Variants in SEC23IP observed in about 807,000 individuals in gnomAD.
SEC23IP encodes the protein SEC23 interacting protein.
Under a neutral mutation model 113.4 loss-of-function variants are expected in SEC23IP, and 70 were observed. That is an observed-to-expected ratio of 0.62 (90% confidence interval 0.51 to 0.75). SEC23IP has a LOEUF of 0.75. SEC23IP is among the 30% of genes least tolerant of loss of function. The pLI, the probability that SEC23IP is intolerant of heterozygous loss-of-function variation, is 0.00. For missense variants in SEC23IP, 1,160 were observed against 1,204.9 expected, an observed-to-expected ratio of 0.96 and a Z score of 0.55; for synonymous variants, 398 against 421.0, an observed-to-expected ratio of 0.95 and a Z score of 0.67.
At chr10:119,897,253 G>C (rs1375572518) in intron 1 of SEC23IP, among the ~76,000 whole-genome samples, 2 of 152,168 alleles carry the variant, frequency 1.3e-5, no homozygotes, top group African/African-American at 4.8e-5. Flanking sequence ...TACAAGCTAG[G>C]GAACATAAAA....
chr10:119,911,876 T>A (rs887905888), intron 5 of SEC23IP, among the ~76,000 whole-genome samples, 168 bp from the exon 6 acceptor site: 1 of 152,196 alleles, frequency 6.6e-6, no homozygotes, highest in African/African-American at 2.4e-5. Flanking sequence ...TTTTGGTGGT[T>A]AATGAACACT....
chr10:119,914,779 A>T lies in SEC23IP; in HGVS notation c.1362A>T (p.Gly454=). The T allele has an allele frequency of 6.2e-7, 1 of 1,614,074 alleles. No homozygotes were observed. Among genetic ancestry groups the T allele is most frequent in the Non-Finnish European group, 8.5e-7 (1 of 1,179,994 alleles). ...DHLVFVVHGI[G]PVCDLRFRSI... is the part of the protein sequence containing the mutation. ...TGGTGTTTGTGGTGCATGGCATTGG[A>T]CCTGTGTGTGACTTACGCTTTAGGA... Residue 454 remains glycine, a synonymous_variant, in exon 7 of 19, where the codon GGA becomes GGT. Transcript: ENST00000369075.
chr10:119,930,800 T>C (rs17099385), intron 15 of SEC23IP, among the ~76,000 whole-genome samples: 9,038 of 152,292 alleles, frequency 0.059, 294 homozygotes, highest in East Asian at 0.12. Flanking sequence ...GAGCTGTTAT[T>C]TTCTTGCTAA....
In SEC23IP at chr10:119,941,749, T is replaced by A. The variant is rs528312095; in HGVS notation, c.*1184T>A. ...TTTAAGCAGCAAACTTATGTATTTC[T>A]CTTGTCTTCCTTAAAAGTGTCCCCA... On this transcript the variant is annotated 3_prime_UTR_variant, in exon 19 of 19. Transcript: ENST00000369075. 1.3e-5 allele frequency: 2 copies of A among 152,800 alleles called. No individual in the cohort carries two copies. The highest frequency in any genetic ancestry group is 4.1e-4 in the South Asian group (2 of 4,828). 9.5% of individuals were successfully genotyped at this position (152,800 alleles called of 1,614,324 possible).
chr10:119,919,630 ATTGT>A (rs1855177829), intron 11 of SEC23IP, 34 bp downstream of exon 11: 1 of 1,523,910 alleles, frequency 6.6e-7, no homozygotes, highest in Non-Finnish European at 8.8e-7. Flanking sequence ...TTTGTTTGAA[ATTGT>A]TTTTCTTGTG....
chr10:119,936,320 G>A (rs886964566), intron 18 of SEC23IP, among the ~76,000 whole-genome samples: 4 of 152,002 alleles, frequency 2.6e-5, no homozygotes, highest in Admixed American at 2.0e-4. Flanking sequence ...AGTTTGAGAG[G>A]CCGAGGCGGG....
At chr10:119,898,102 A>AACTATTTGT (rs1285851388) in intron 1 of SEC23IP, 1 of 176,074 alleles carries the variant, frequency 5.7e-6, no homozygotes, top group African/African-American at 2.4e-5. Context: ...CAAAATAAAT[A>AACTATTTGT]ACTATTTGTA....
intron 18 of SEC23IP, among the ~76,000 whole-genome samples, chr10:119,937,581 G>T (rs539726879): frequency 6.6e-6 from 1 of 151,386 alleles, no homozygotes; most frequent in Non-Finnish European, 1.5e-5. Context: ...ACCCTAGATT[G>T]TGCCACTGCA....
intron 18 of SEC23IP, among the ~76,000 whole-genome samples, chr10:119,934,637 A>G (rs566072253): frequency 2.1e-4 from 32 of 152,350 alleles, no homozygotes; most frequent in Non-Finnish European, 3.8e-4. Context: ...AAAGAATCAG[A>G]CACAAAATGC....
At chr10:119,907,580 C>A (rs991335429) in intron 4 of SEC23IP, among the ~76,000 whole-genome samples, 1 of 152,166 alleles carries the variant, frequency 6.6e-6, no homozygotes, top group African/African-American at 2.4e-5. Flanking sequence ...ATAGTACGAT[C>A]GGCCCTCCGT....
At chr10:119,907,102 G>A (rs1200455373) in intron 4 of SEC23IP, among the ~76,000 whole-genome samples, 1 of 151,558 alleles carries the variant, frequency 6.6e-6, no homozygotes, top group Non-Finnish European at 1.5e-5. Context: ...TTCGAGACCA[G>A]TCTGGCCAAC....
chr10:119,911,293 TA>T (rs756044511), intron 5 of SEC23IP, among the ~76,000 whole-genome samples: 2 of 151,572 alleles, frequency 1.3e-5, no homozygotes, highest in East Asian at 1.9e-4. Context: ...TTATTATTAT[TA>T]TTTTTTTTTT....
chr10:119,918,081 T>G (rs769170392), intron 9 of SEC23IP, 37 bp downstream of exon 9: 4 of 1,549,456 alleles, frequency 2.6e-6, no homozygotes, highest in Non-Finnish European at 8.9e-7. Context: ...AAATACAATT[T>G]TTGTTGAGTC....
chr10:119,916,927 G>A (rs1482824772), intron 8 of SEC23IP, among the ~76,000 whole-genome samples: 4 of 151,918 alleles, frequency 2.6e-5, no homozygotes, highest in Non-Finnish European at 5.9e-5. Context: ...GGAGTGCGCT[G>A]GCATGATCAT....
intron 12 of SEC23IP, among the ~76,000 whole-genome samples, chr10:119,921,644 A>G (rs1483798015): frequency 6.6e-5 from 10 of 152,380 alleles, no homozygotes; most frequent in Admixed American, 5.2e-4. Flanking sequence ...AACAGCAAAA[A>G]TTGTTAACAA....
intron 5 of SEC23IP, 44 bp downstream of exon 5, chr10:119,909,174 A>T: frequency 7.6e-7 from 1 of 1,313,748 alleles, no homozygotes; most frequent in Non-Finnish European, 1.1e-6. Flanking sequence ...GTTCATTTTA[A>T]TATTTTTCTG....
At chr10:119,902,682 C>A in intron 2 of SEC23IP, 117 bp from the exon 3 acceptor site, 1 of 824,042 alleles carries the variant, frequency 1.2e-6, no homozygotes, top group Non-Finnish European at 2.0e-6. Context: ...AGTTATTACA[C>A]TAAGTAATTG....
At chr10:119,899,018 A>G in intron 2 of SEC23IP, 59 bp downstream of exon 2, 1 of 1,368,010 alleles carries the variant, frequency 7.3e-7, no homozygotes, top group Non-Finnish European at 9.9e-7. Context: ...TCTCACCTGA[A>G]CCTATGTTTT....
At chr10:119,915,690 C>T in intron 7 of SEC23IP, 58 bp from the exon 8 acceptor site, 1 of 1,275,680 alleles carries the variant, frequency 7.8e-7, no homozygotes, top group Middle Eastern at 2.0e-4. Context: ...TAACTGCTGA[C>T]TAGCTATCAA....
Sources: gnomAD v4.1 joint callset for allele counts (sites outside exome capture counted in the v4.1 genomes callset) on GRCh38, gnomAD v4.1.1 for gene constraint, MANE v1.5 for transcripts, NCBI Gene and HGNC (gene_info 2026-07-23, HGNC 2026-07-21) for gene names.